Variants in APC observed in about 807,000 individuals in gnomAD.
APC encodes adenomatous polyposis coli protein.
In APC, 72 loss-of-function variants were observed where a neutral mutation model predicts 247.0. The ratio of observed to expected loss-of-function variants is 0.29; its 90% CI spans 0.24 to 0.35. APC has a LOEUF of 0.35. Among genes scored for constraint, APC ranks in the 10% least tolerant of loss-of-function variants. The pLI, the probability that APC is intolerant of heterozygous loss-of-function variation, is 1.00. For synonymous variants in APC, 1,254 were observed against 1,162.5 expected (o/e 1.08, Z -1.60); for missense variants, 3,400 against 3,360.7 (o/e 1.01, Z -0.29).
In APC at chr5:112,827,092, G is replaced by T. The variant is rs751683321; in HGVS notation, c.1409-16G>T. On this transcript the variant is annotated splice_polypyrimidine_tract_variant and intron_variant, in intron 11 of 15. Coordinates refer to ENST00000257430, the MANE Select transcript of APC (RefSeq NM_000038.6). ...TTTAGATGATTGTCTTTTTCCTCTTGCCCTTTTTAAATTAGGGGGACTACA... is the reference window on the plus strand; with the variant it reads ...TTTAGATGATTGTCTTTTTCCTCTTTCCCTTTTTAAATTAGGGGGACTACA... The T allele has an allele frequency of 3.1e-6, 5 of 1,612,522 alleles. No homozygotes were observed. Among genetic ancestry groups the T allele is most frequent in the Non-Finnish European group, 4.2e-6 (5 of 1,179,394 alleles).
At chr5:112,779,718 G>A (rs1758115848) in intron 5 of APC, among the ~76,000 whole-genome samples, 1 of 151,952 alleles carries the variant, frequency 6.6e-6, no homozygotes, top group Admixed American at 6.6e-5. Flanking sequence ...AATAAGTGGA[G>A]TTACAACTGG....
At chr5:112,800,038 C>A (rs555370802) in intron 7 of APC, among the ~76,000 whole-genome samples, 1 of 152,256 alleles carries the variant, frequency 6.6e-6, no homozygotes, top group Non-Finnish European at 1.5e-5. Flanking sequence ...TGGCATTTGT[C>A]AATTTTACCT....
At chr5:112,766,149 A>G (rs1215194355) in intron 2 of APC, among the ~76,000 whole-genome samples, 177 bp from the exon 3 acceptor site, 1 of 152,140 alleles carries the variant, frequency 6.6e-6, no homozygotes, top group Non-Finnish European at 1.5e-5. Flanking sequence ...AAATATCACT[A>G]TTATTATTTG....
intron 11 of APC, among the ~76,000 whole-genome samples, chr5:112,825,937 GAAAATTTTCCTA>G (rs1167588732): frequency 6.6e-6 from 1 of 152,112 alleles, no homozygotes; most frequent in Non-Finnish European, 1.5e-5. Context: ...GTGAATGGAG[GAAAATTTTCCTA>G]AATATGATTT....
intron 9 of APC, among the ~76,000 whole-genome samples, chr5:112,818,245 G>A (rs1464030118): frequency 2.0e-5 from 3 of 152,116 alleles, no homozygotes; most frequent in African/African-American, 7.2e-5. Context: ...AAAATGAGTG[G>A]ACCATGGCCC....
chr5:112,837,469 T>G (rs889447823), intron 15 of APC, 84 bp from the exon 16 acceptor site: 4 of 947,578 alleles, frequency 4.2e-6, no homozygotes. Flanking sequence ...AATCATATTA[T>G]GCCTTTTGTC....
chr5:112,826,687 TTAAAG>T (rs147944055), intron 11 of APC, among the ~76,000 whole-genome samples: 1,543 of 148,704 alleles, frequency 0.01, 11 homozygotes, highest in Non-Finnish European at 0.014. Context: ...AAAAAAAAAA[TTAAAG>T]TAGTTAGGCC....
At chr5:112,727,073 T>G (rs1036629175) in intron 1 of APC, among the ~76,000 whole-genome samples, 3 of 151,996 alleles carry the variant, frequency 2.0e-5, no homozygotes, top group Non-Finnish European at 4.4e-5. Context: ...TTTTTGCCAT[T>G]GAAAGTAATG....
chr5:112,725,900 A>G (rs1751748768), intron 1 of APC, among the ~76,000 whole-genome samples: 1 of 152,246 alleles, frequency 6.6e-6, no homozygotes, highest in South Asian at 2.1e-4. Flanking sequence ...ACCGTAGTAT[A>G]TGAGGTACAG....
chr5:112,712,580 G>T (rs551231063), intron 1 of APC, among the ~76,000 whole-genome samples: 2 of 145,610 alleles, frequency 1.4e-5, no homozygotes, highest in African/African-American at 5.1e-5. Context: ...TTTTTTAAGC[G>T]ACCGGGGCTT....
chr5:112,784,685 G>A (rs1281934033), intron 6 of APC, among the ~76,000 whole-genome samples: 1 of 152,046 alleles, frequency 6.6e-6, no homozygotes, highest in Admixed American at 6.5e-5. Flanking sequence ...CCCTGGAAGA[G>A]GAGATCTCAG....
Position 112,844,229 on chromosome 5 carries a change from T to C in APC, c.*103T>C, listed in dbSNP as rs1766785304. The C allele has an allele frequency of 9.1e-7, 1 of 1,103,370 alleles. No homozygotes were observed. The highest frequency in any genetic ancestry group is 2.6e-5 in the East Asian group (1 of 38,978). 68.3% of individuals were successfully genotyped at this position (1,103,370 alleles called of 1,614,324 possible). A position where few individuals can be genotyped will look rare whatever the true frequency, so the allele number is the denominator to read the frequency against. On this transcript the variant is annotated 3_prime_UTR_variant, in exon 16 of 16. Coordinates refer to ENST00000257430, the MANE Select transcript of APC (RefSeq NM_000038.6). ...TTAAAAGACTGAAAAATTTTGTAAA[T>C]AGGTTTGATTCTTGTTAGAGGGTTT...
intron 1 of APC, among the ~76,000 whole-genome samples, chr5:112,709,580 A>G (rs970944144): frequency 1.3e-5 from 2 of 152,170 alleles, no homozygotes; most frequent in African/African-American, 2.4e-5. Flanking sequence ...CTGTATCAAA[A>G]AACATCTGAC....
chr5:112,812,907 A>G (rs1002906622), intron 8 of APC, among the ~76,000 whole-genome samples: 15 of 152,294 alleles, frequency 9.8e-5, no homozygotes, highest in Middle Eastern at 3.4e-3. Flanking sequence ...GAGATGTAAG[A>G]TGAGTCTTTC....
rs1766523291 is a variant in APC at position 112,843,203 on chromosome 5, T to C, written c.7609T>C (p.Ser2537Pro). The change falls in exon 16 of 16, where the codon TCT becomes CCT. Residue 2537 changes from serine to proline, a missense_variant. By Grantham distance (74) the Ser-to-Pro change is moderately conservative. This residue lies in a region of APC where 1,788 missense variants were observed against 1,649.5 expected (regional missense o/e 1.08). Coordinates refer to ENST00000257430, the MANE Select transcript of APC (RefSeq NM_000038.6). The surrounding 1 kb of genome is among the most constrained non-coding windows in gnomAD (Gnocchi z 4.8). ...DIARSHSESP[S>P]RLPINRSGTW... is the part of the protein sequence containing the mutation. ...TGCACGGTCTCATTCTGAAAGTCCT[T>C]CTAGACTTCCAATCAATAGGTCAGG... The C allele has an allele frequency of 6.2e-7, 1 of 1,613,280 alleles. No homozygotes were observed. Among genetic ancestry groups the C allele is most frequent in the Non-Finnish European group, 8.5e-7 (1 of 1,179,356 alleles).
chr5:112,738,250 A>G (rs1279349870), intron 1 of APC: 1 of 980,798 alleles, frequency 1.0e-6, no homozygotes, highest in Non-Finnish European at 1.2e-6. Context: ...GAATAACAGT[A>G]TCTAAGGAAA....
At chr5:112,746,136 GGAAA>G (rs138854320) in intron 1 of APC, among the ~76,000 whole-genome samples, 7,646 of 151,904 alleles carry the variant, frequency 0.05, 352 homozygotes, top group East Asian at 0.13. Flanking sequence ...AAAAACTAGA[GGAAA>G]GAAATAGTTT....
At chr5:112,719,231 T>G (rs1751346593) in intron 1 of APC, among the ~76,000 whole-genome samples, 1 of 152,196 alleles carries the variant, frequency 6.6e-6, no homozygotes, top group Non-Finnish European at 1.5e-5. Context: ...TTTCTTTTCT[T>G]TCTTTGGACA....
Position 112,827,144 on chromosome 5 carries a change from A to G in APC, c.1445A>G (p.Asp482Gly). 1 of 1,613,672 alleles carries G rather than the reference A, an allele frequency of 6.2e-7. No individual in the cohort carries two copies. The highest frequency in any genetic ancestry group is 8.5e-7 in the Non-Finnish European group (1 of 1,179,750). The stretch of plus-strand genomic sequence containing the variant: ...GCCATTGCAGAATTATTGCAAGTGG[A>G]CTGTGAAATGTATGGGCTTACTAAT... ...LQAIAELLQVDCEMYGLTNDH... is the reference protein window; with the variant it reads ...LQAIAELLQVGCEMYGLTNDH... The change falls in exon 12 of 16, where the codon GAC becomes GGC. Residue 482 changes from aspartate (D) to glycine (G), a missense_variant. By Grantham distance (94) the Asp-to-Gly change is moderately conservative (BLOSUM62 -1). Around this residue, in one of 9 missense-constraint regions of APC, gnomAD observed 199 missense variants for 212.5 expected, o/e 0.94. Coordinates refer to ENST00000257430, the MANE Select transcript of APC (RefSeq NM_000038.6).
Sources: gnomAD v4.1 joint callset for allele counts (sites outside exome capture counted in the v4.1 genomes callset) on GRCh38, gnomAD v4.1.1 for gene constraint, gnomAD v4.1.1 regional missense constraint, Gnocchi (gnomAD v3.1) non-coding constraint, MANE v1.5 for transcripts, NCBI Gene and HGNC (gene_info 2026-07-23, HGNC 2026-07-21) for gene names.